Variants in SULF2 observed in about 807,000 individuals in gnomAD.
SULF2 encodes the protein sulfatase 2.
In SULF2, 52 loss-of-function variants were observed where a neutral mutation model predicts 107.7. That is an observed-to-expected ratio of 0.48 (90% CI 0.39 to 0.61). SULF2 has a LOEUF of 0.61. Among genes scored for constraint, SULF2 ranks in the 20% least tolerant of loss-of-function variants. SULF2 has a pLI of 0.00. For synonymous variants in SULF2, 460 were observed against 464.3 expected (o/e 0.99, Z 0.12); for missense variants, 993 against 1,177.3 (o/e 0.84, Z 2.29).
intron 3 of SULF2, among the ~76,000 whole-genome samples, chr20:47,718,052 C>T (rs1047499137): frequency 2.0e-5 from 3 of 152,062 alleles, no homozygotes; most frequent in Non-Finnish European, 2.9e-5. Flanking sequence ...CTCCTGACCT[C>T]GTGATCCACC....
At chr20:47,689,900 G>T in intron 5 of SULF2, 1 of 380,674 alleles carries the variant, frequency 2.6e-6, no homozygotes, top group Non-Finnish European at 4.6e-6. Flanking sequence ...GTGGGAGGCC[G>T]TGTATCCCAA....
intron 3 of SULF2, among the ~76,000 whole-genome samples, chr20:47,718,130 T>C (rs1441252604): frequency 6.6e-6 from 1 of 152,156 alleles, no homozygotes; most frequent in East Asian, 1.9e-4. Context: ...GAAATGATTT[T>C]TATCCTCCGA....
Position 47,757,174 on chromosome 20 carries a change from G to A in SULF2, c.175+15C>T. 1 of 1,540,988 alleles carries A rather than the reference G, an allele frequency of 6.5e-7. No homozygotes were observed. The highest frequency in any genetic ancestry group is 1.2e-5 in the South Asian group (1 of 83,666). On this transcript the variant is annotated intron_variant, in intron 2 of 20. Coordinates refer to ENST00000688720, the MANE Select transcript of SULF2 (RefSeq NM_001387048.1). ...CCGAGGGGCCGAGGTGCCACCCTGG[G>A]GCCCCGAGGCTTACCCAGCTCCACA...
chr20:47,734,869 A>C (rs1017574853), intron 3 of SULF2, among the ~76,000 whole-genome samples: 1 of 152,242 alleles, frequency 6.6e-6, no homozygotes, highest in Non-Finnish European at 1.5e-5. Context: ...TTAGGGAGAC[A>C]GCTTTTTGGT....
intron 17 of SULF2, among the ~76,000 whole-genome samples, chr20:47,662,812 G>A (rs576530531): frequency 1.4e-4 from 17 of 124,812 alleles, no homozygotes; most frequent in African/African-American, 4.1e-4. Context: ...GTTGCATGCT[G>A]CATGTTAAGT....
intron 1 of SULF2, among the ~76,000 whole-genome samples, chr20:47,782,944 C>T (rs563494760): frequency 1.3e-5 from 2 of 152,314 alleles, no homozygotes; most frequent in East Asian, 3.9e-4. Flanking sequence ...AGGCCAAGGT[C>T]ATGGAGGAGA....
At chr20:47,698,858 C>T (rs142082841) in intron 4 of SULF2, among the ~76,000 whole-genome samples, 1,950 of 152,150 alleles carry the variant, frequency 0.013, 43 homozygotes, top group African/African-American at 0.044. Flanking sequence ...ACGGAGAAAC[C>T]CCATCTCTAC....
rs2087004834 is a variant in SULF2 at position 47,659,706 on chromosome 20, T to C, written c.2519A>G (p.Glu840Gly). The change falls in exon 19 of 21, where the codon GAG (glutamate) becomes GGG (glycine). Residue 840 changes from glutamate to glycine, a missense_variant. Glu to Gly is a moderately conservative substitution (Grantham distance 98). Around this residue, in one of 3 missense-constraint regions of SULF2, gnomAD observed 497 missense variants for 544.1 expected, o/e 0.91. Transcript: ENST00000688720. ...DLGLKDGGSY[E>G]QYRQFQRRKW... is the part of the protein sequence containing the mutation. Reference sequence around the variant, plus strand: ...TAATAAAACGAAATACCTGTATTGCTCATAGCTTCCTCCATCTTTAAGTCC... The same window carrying C: ...TAATAAAACGAAATACCTGTATTGCCCATAGCTTCCTCCATCTTTAAGTCC... The C allele has an allele frequency of 6.2e-7, 1 of 1,613,030 alleles. No individual in the cohort carries two copies. Among genetic ancestry groups the C allele is most frequent in the South Asian group, 1.1e-5 (1 of 91,012 alleles).
chr20:47,661,713 T>C lies in SULF2; in HGVS notation c.2494+60A>G, dbSNP rs1467065488. ...CATTCTTGGGGTAGACACCACCTCCTGAGTCCCTTCCTTTGGTTACCCTGC... is the reference window on the plus strand; with the variant it reads ...CATTCTTGGGGTAGACACCACCTCCCGAGTCCCTTCCTTTGGTTACCCTGC... On this transcript the variant is annotated intron_variant, in intron 18 of 20. Transcript: ENST00000688720. 2.8e-5 allele frequency: 40 copies of C among 1,409,000 alleles called. No homozygotes were observed. The East Asian group carries it at 9.8e-4, about 34-fold the overall frequency. The allele number at this position is 1,409,000 out of a possible 1,614,324, so 87.3% of individuals were successfully genotyped here.
intron 3 of SULF2, among the ~76,000 whole-genome samples, chr20:47,710,135 G>A (rs914142256): frequency 2.8e-4 from 43 of 151,956 alleles, no homozygotes; most frequent in African/African-American, 1.0e-3. Context: ...CTCCTGACCT[G>A]AGGTGATCTG....
intron 3 of SULF2, among the ~76,000 whole-genome samples, chr20:47,704,513 T>A (rs866046125): frequency 2.0e-5 from 3 of 152,198 alleles, no homozygotes; most frequent in African/African-American, 7.2e-5. Context: ...GCTCAAGCGA[T>A]CTGCCTGCCT....
Position 47,701,329 on chromosome 20 carries a change from C to T in SULF2, c.567+1190G>A, listed in dbSNP as rs906296721. Among the ~76,000 whole-genome samples the T allele has an allele frequency of 4.6e-5, 7 of 152,266 alleles. No homozygotes were observed. The East Asian group carries it at 7.7e-4, about 17-fold the overall frequency. On this transcript the variant is annotated intron_variant, in intron 4 of 20. Coordinates refer to ENST00000688720, the MANE Select transcript of SULF2 (RefSeq NM_001387048.1). ...TTCTGGAAGTGCTCTATGTCTTGAT[C>T]GGAGCCGCGGTGAAATGGATGCACG...
At chr20:47,731,185 C>CTTTTTTTTTTTTT (rs199660759) in intron 3 of SULF2, among the ~76,000 whole-genome samples, 3 of 93,328 alleles carry the variant, frequency 3.2e-5, no homozygotes, top group African/African-American at 1.2e-4. Context: ...CCTGTATCTT[C>CTTTTTTTTTTTTT]TCTTTTTTTT....
chr20:47,721,158 A>T (rs181595719), intron 3 of SULF2, among the ~76,000 whole-genome samples: 319 of 151,444 alleles, frequency 2.1e-3, no homozygotes, highest in African/African-American at 7.5e-3. Flanking sequence ...AAAAAAAAAT[A>T]CCAAATGCAA....
chr20:47,677,876 G>C (rs1313509322), intron 8 of SULF2: 4 of 152,584 alleles, frequency 2.6e-5, no homozygotes, highest in African/African-American at 9.6e-5. Context: ...TCCCCCTACA[G>C]GGCAGCCAGA....
At chr20:47,770,831 G>A (rs559388667) in intron 1 of SULF2, among the ~76,000 whole-genome samples, 1 of 152,272 alleles carries the variant, frequency 6.6e-6, no homozygotes, top group East Asian at 1.9e-4. Context: ...TCACAGCATG[G>A]CGGCCTTGCA....
intron 2 of SULF2, among the ~76,000 whole-genome samples, chr20:47,753,009 G>A (rs1305163884): frequency 6.7e-6 from 1 of 148,962 alleles, no homozygotes; most frequent in Non-Finnish European, 1.5e-5. Context: ...GCTGAGGCAG[G>A]AGAATCACGT....
chr20:47,781,197 G>C (rs1215028320), intron 1 of SULF2, among the ~76,000 whole-genome samples: 1 of 152,270 alleles, frequency 6.6e-6, no homozygotes, highest in Non-Finnish European at 1.5e-5. Flanking sequence ...GTGGAAGGGA[G>C]AGGCATTGCC....
Position 47,757,194 on chromosome 20 carries a change from T to A in SULF2, c.170A>T (p.Glu57Val). 1 of 1,552,956 alleles carries A rather than the reference T, an allele frequency of 6.4e-7. No homozygotes were observed. Among genetic ancestry groups the A allele is most frequent in the Non-Finnish European group, 8.7e-7 (1 of 1,146,782 alleles). The change falls in exon 2 of 21, where the codon GAG (glutamate) becomes GTG (valine). Residue 57 changes from glutamate (E) to valine (V), a missense_variant. By Grantham distance (121) the Glu-to-Val change is moderately radical. Transcript: ENST00000688720. ...CCTGGGGCCCCGAGGCTTACCCAGC[T>A]CCACATCCTGGTCGTCCGTCAGCAC... ...ILVLTDDQDV[E>V]LGSMQVMNKT...
Sources: allele counts gnomAD v4.1 joint callset (sites outside exome capture counted in the v4.1 genomes callset), GRCh38; gene constraint gnomAD v4.1.1; regional missense constraint gnomAD v4.1.1; transcripts MANE v1.5; gene names NCBI Gene and HGNC (gene_info 2026-07-23, HGNC 2026-07-21).